KMT5B: variants seen among roughly 807,000 people sequenced by gnomAD.
The protein encoded by KMT5B is histone-lysine N-methyltransferase KMT5B.
KMT5B carries 10 observed loss-of-function variants against 83.2 expected under a neutral mutation model. The observed-to-expected ratio is 0.12, with a 90% confidence interval of 0.07 to 0.20. The LOEUF is 0.20. KMT5B is among the 10% of genes least tolerant of loss of function. KMT5B has a pLI of 1.00. For missense variants in KMT5B, 753 were observed against 1,067.2 expected (o/e 0.71, Z 4.10); for synonymous variants, 349 against 388.8 (o/e 0.90, Z 1.20).
intron 3 of KMT5B, among the ~76,000 whole-genome samples, chr11:68,180,755 G>A (rs762439530): frequency 6.6e-6 from 1 of 152,142 alleles, no homozygotes; most frequent in Non-Finnish European, 1.5e-5. Flanking sequence ...GCCTCAAAAA[G>A]GGGGCATTAC....
At chr11:68,210,320 C>CA (rs1406132087) in intron 1 of KMT5B, among the ~76,000 whole-genome samples, 1 of 151,066 alleles carries the variant, frequency 6.6e-6, no homozygotes, top group African/African-American at 2.4e-5. Flanking sequence ...AATGACATTT[C>CA]AAAAAAAGGA....
intron 3 of KMT5B, among the ~76,000 whole-genome samples, chr11:68,182,019 C>G (rs1856983347): frequency 6.6e-6 from 1 of 152,156 alleles, no homozygotes; most frequent in South Asian, 2.1e-4. Flanking sequence ...AAATGTTGGA[C>G]TAAAAAATAC....
chr11:68,188,271 A>G (rs1591014902), intron 2 of KMT5B, among the ~76,000 whole-genome samples: 1 of 149,566 alleles, frequency 6.7e-6, no homozygotes, highest in African/African-American at 2.5e-5. Flanking sequence ...TGATCCACCC[A>G]CCTCAGCCTC....
At chr11:68,200,185 T>C (rs1482999874) in intron 1 of KMT5B, among the ~76,000 whole-genome samples, 1 of 152,214 alleles carries the variant, frequency 6.6e-6, no homozygotes, top group Non-Finnish European at 1.5e-5. Context: ...AGATGAAATC[T>C]AGGACTCAGT....
intron 9 of KMT5B, among the ~76,000 whole-genome samples, chr11:68,169,951 T>C (rs146704172): frequency 5.9e-5 from 9 of 152,354 alleles, no homozygotes; most frequent in Non-Finnish European, 1.3e-4. Flanking sequence ...GCCACATCTT[T>C]ATGGCAAGGA....
chr11:68,182,242 T>TA (rs1192537941), intron 3 of KMT5B, among the ~76,000 whole-genome samples: 1 of 152,196 alleles, frequency 6.6e-6, no homozygotes, highest in Non-Finnish European at 1.5e-5. Context: ...AAGGTATTTT[T>TA]ATCCACTTAG....
chr11:68,202,830 A>G (rs1395101696), intron 1 of KMT5B, among the ~76,000 whole-genome samples: 1 of 151,812 alleles, frequency 6.6e-6, no homozygotes, highest in Admixed American at 6.6e-5. Context: ...TACAGGCGTA[A>G]GCCACTGCAC....
At chr11:68,166,141 G>A (rs1855301241) in intron 10 of KMT5B, 2 of 1,414,602 alleles carry the variant, frequency 1.4e-6, no homozygotes, top group Non-Finnish European at 1.8e-6. Context: ...AGAGACAAGT[G>A]AGACTCAAGA....
intron 1 of KMT5B, among the ~76,000 whole-genome samples, chr11:68,190,981 T>G (rs570206139): frequency 6.6e-6 from 1 of 152,154 alleles, no homozygotes; most frequent in African/African-American, 2.4e-5. Flanking sequence ...GAAAAGAAAA[T>G]AATAATATAT....
At chr11:68,161,209 T>C (rs1218074312) in intron 10 of KMT5B, among the ~76,000 whole-genome samples, 2 of 152,114 alleles carry the variant, frequency 1.3e-5, no homozygotes, top group Non-Finnish European at 2.9e-5. Context: ...TTTTTTTTAA[T>C]AAGAAATTTA....
chr11:68,173,308 T>C (rs1362887665), intron 6 of KMT5B, among the ~76,000 whole-genome samples: 2 of 152,228 alleles, frequency 1.3e-5, no homozygotes, highest in Non-Finnish European at 2.9e-5. Flanking sequence ...CCCAAAGTGC[T>C]GGGATTATAG....
intron 1 of KMT5B, among the ~76,000 whole-genome samples, chr11:68,192,573 A>C (rs1858211287): frequency 6.6e-6 from 1 of 152,190 alleles, no homozygotes; most frequent in Admixed American, 6.5e-5. Context: ...ATGTTTTGGT[A>C]ATGCTCTGAA....
intron 1 of KMT5B, among the ~76,000 whole-genome samples, chr11:68,197,718 T>C (rs1222532354): frequency 6.6e-6 from 1 of 152,192 alleles, no homozygotes; most frequent in African/African-American, 2.4e-5. Flanking sequence ...GGTAATTTAA[T>C]CTAACAGGTA....
At chr11:68,212,971 CCCCGCCCCCCGCGCCCGGCCGCTTGCG>C (rs958891197) in intron 1 of KMT5B, among the ~76,000 whole-genome samples, 140 bp downstream of exon 1, 3 of 141,906 alleles carry the variant, frequency 2.1e-5, no homozygotes, top group African/African-American at 5.1e-5. Flanking sequence ...CCGGCCGCAG[CCCCGCCCCCCGCGCCCGGCCGCTTGCG>C]CCCGGCCCCG....
intron 1 of KMT5B, among the ~76,000 whole-genome samples, chr11:68,206,351 C>T (rs534522280): frequency 7.9e-5 from 12 of 152,290 alleles, no homozygotes; most frequent in Admixed American, 5.9e-4. Context: ...CTTTACAGCC[C>T]ACAGTTTCTG....
At chr11:68,197,327 T>C (rs568103586) in intron 1 of KMT5B, among the ~76,000 whole-genome samples, 9 of 152,272 alleles carry the variant, frequency 5.9e-5, no homozygotes, top group Admixed American at 1.3e-4. Context: ...AGCAGAAAAT[T>C]TGGGGATGAG....
rs777747540 is a variant in KMT5B at position 68,158,284 on chromosome 11, T to C, written c.2062A>G (p.Ser688Gly). ...VTSDSFKTKD[S>G]FRTAKSKKKR... ...TTTTTACTTTTTGCAGTTCTAAAGC[T>C]GTCTTTTGTTTTGAAGCTATCTGAT... Residue 688 changes from serine (S) to glycine (G), a missense_variant, in exon 11 of 11, where the codon AGC becomes GGC. By Grantham distance (56) the Ser-to-Gly change is moderately conservative (BLOSUM62 0). This residue lies in a region of KMT5B where 397 missense variants were observed against 395.9 expected (regional missense o/e 1.00). Coordinates refer to ENST00000304363, the MANE Select transcript of KMT5B (RefSeq NM_017635.5). 5 of 1,614,186 alleles carry C rather than the reference T, an allele frequency of 3.1e-6. No homozygotes were observed. The Admixed American group carries it at 6.7e-5, about 22-fold the overall frequency.
intron 3 of KMT5B, among the ~76,000 whole-genome samples, chr11:68,181,305 C>A (rs558375926): frequency 1.8e-4 from 27 of 152,238 alleles, no homozygotes; most frequent in African/African-American, 6.5e-4. Context: ...GAACACCTGA[C>A]CTCGTGATCC....
At chr11:68,162,576 C>T (rs1854961150) in intron 10 of KMT5B, among the ~76,000 whole-genome samples, 1 of 152,146 alleles carries the variant, frequency 6.6e-6, no homozygotes, top group South Asian at 2.1e-4. Context: ...TATTTTCACC[C>T]GTTGGATGAC....
Sources: allele counts gnomAD v4.1 joint callset (sites outside exome capture counted in the v4.1 genomes callset), GRCh38; gene constraint gnomAD v4.1.1; regional missense constraint gnomAD v4.1.1; transcripts MANE v1.5; gene names NCBI Gene and HGNC (gene_info 2026-07-23, HGNC 2026-07-21).